FHIP2A: variants seen among roughly 807,000 people sequenced by gnomAD.
The protein encoded by FHIP2A is family with sequence similarity 160 member B1.
FHIP2A carries 46 observed loss-of-function variants against 93.5 expected under a neutral mutation model. That is an observed-to-expected ratio of 0.49 (90% CI 0.39 to 0.63). The LOEUF (loss-of-function observed/expected upper bound fraction) is 0.63. Ranked by LOEUF, FHIP2A falls within the 20% of genes least tolerant of loss-of-function variation. FHIP2A has a pLI of 0.00. For synonymous variants in FHIP2A, 332 were observed against 326.5 expected (o/e 1.02, Z -0.18); for missense variants, 769 against 909.7 (o/e 0.85, Z 1.99).
chr10:114,833,403 G>C lies in FHIP2A; in HGVS notation c.294+1G>C. Reference sequence around the variant, plus strand: ...ATTATATACCTTGGGGAAAGCTGATGTAAGTTCCTGATCCACACCATGTTC... The same window carrying C: ...ATTATATACCTTGGGGAAAGCTGATCTAAGTTCCTGATCCACACCATGTTC... On this transcript the variant is annotated splice_donor_variant, in intron 3 of 16. Coordinates refer to ENST00000369248, the MANE Select transcript of FHIP2A (RefSeq NM_020940.4). LOFTEE classifies it high-confidence loss of function. 1 of 1,613,434 alleles carries C rather than the reference G, an allele frequency of 6.2e-7. No individual in the cohort carries two copies. The highest frequency in any genetic ancestry group is 8.5e-7 in the Non-Finnish European group (1 of 1,179,662).
At chr10:114,897,866 G>A (rs1464507066) in intron 16 of FHIP2A, among the ~76,000 whole-genome samples, 4 of 152,130 alleles carry the variant, frequency 2.6e-5, no homozygotes, top group South Asian at 2.1e-4. Flanking sequence ...CCATGATTGC[G>A]CCACTGCACT....
Position 114,864,556 on chromosome 10 carries a change from T to C in FHIP2A, c.*3016T>C. On this transcript the variant is annotated 3_prime_UTR_variant, in exon 17 of 17. Coordinates refer to ENST00000369248, the MANE Select transcript of FHIP2A (RefSeq NM_020940.4). The stretch of plus-strand genomic sequence containing the variant: ...TAGGTTACTGACAGTGTTACCAGCG[T>C]CTGGAATTCTTGGTCCCTCCGTGGA... 1.0e-6 allele frequency: 1 copy of C among 985,868 alleles called. No individual in the cohort carries two copies. Among genetic ancestry groups the C allele is most frequent in the Non-Finnish European group, 1.2e-6 (1 of 829,942 alleles). 61.1% of individuals were successfully genotyped at this position (985,868 alleles called of 1,614,324 possible). A position where few individuals can be genotyped will look rare whatever the true frequency, so the allele number is the denominator to read the frequency against.
At chr10:114,883,644 C>T (rs529728247) in intron 16 of FHIP2A, among the ~76,000 whole-genome samples, 74 of 152,272 alleles carry the variant, frequency 4.9e-4, no homozygotes, top group African/African-American at 1.6e-3. Flanking sequence ...TGCAATGGCA[C>T]GATCTCAGCT....
intron 13 of FHIP2A, among the ~76,000 whole-genome samples, chr10:114,849,868 CTA>C (rs1436310845): frequency 3.9e-5 from 6 of 152,180 alleles, no homozygotes; most frequent in African/African-American, 1.4e-4. Flanking sequence ...TGGAATCATA[CTA>C]TATGTGACCT....
At chr10:114,896,896 ATATGTG>A (rs1190750348) in intron 16 of FHIP2A, among the ~76,000 whole-genome samples, 1 of 152,174 alleles carries the variant, frequency 6.6e-6, no homozygotes, top group Non-Finnish European at 1.5e-5. Flanking sequence ...CTTACTTGTT[ATATGTG>A]TATGTAAAAA....
At chr10:114,892,213 T>A (rs1372660228) in intron 16 of FHIP2A, among the ~76,000 whole-genome samples, 2 of 152,216 alleles carry the variant, frequency 1.3e-5, no homozygotes, top group African/African-American at 2.4e-5. Context: ...AAACCATTTT[T>A]CCAACATACT....
At chr10:114,875,228 G>A (rs1244652948) in intron 16 of FHIP2A, among the ~76,000 whole-genome samples, 1 of 152,216 alleles carries the variant, frequency 6.6e-6, no homozygotes, top group Non-Finnish European at 1.5e-5. Flanking sequence ...TGTGGATTCT[G>A]ACTGCAGACG....
chr10:114,855,105 T>C, intron 13 of FHIP2A, 92 bp from the exon 14 acceptor site: 1 of 1,358,690 alleles, frequency 7.4e-7, no homozygotes, highest in Non-Finnish European at 1.0e-6. Context: ...TGCATTCAAA[T>C]GGTTTTTTAT....
intron 16 of FHIP2A, among the ~76,000 whole-genome samples, chr10:114,883,786 G>C (rs145574506): frequency 1.3e-5 from 2 of 152,206 alleles, no homozygotes; most frequent in South Asian, 4.2e-4. Context: ...CTTCATGTTG[G>C]TCAGGCTGGT....
chr10:114,888,450 G>T (rs1368632948), intron 16 of FHIP2A, among the ~76,000 whole-genome samples: 1 of 152,170 alleles, frequency 6.6e-6, no homozygotes, highest in Non-Finnish European at 1.5e-5. Flanking sequence ...ATGCTAAAAA[G>T]AGAGAATGAC....
chr10:114,887,233 A>C (rs557559047), intron 16 of FHIP2A, among the ~76,000 whole-genome samples: 12 of 152,342 alleles, frequency 7.9e-5, no homozygotes, highest in African/African-American at 2.6e-4. Context: ...AAAGACCCAG[A>C]AACCTCTTTT....
intron 16 of FHIP2A, among the ~76,000 whole-genome samples, chr10:114,898,301 T>G (rs1438574626): frequency 2.6e-5 from 4 of 152,116 alleles, no homozygotes; most frequent in African/African-American, 4.8e-5. Context: ...CCAGTTCCAG[T>G]GTTATTCTTT....
intron 16 of FHIP2A, among the ~76,000 whole-genome samples, chr10:114,888,694 C>T (rs548938986): frequency 6.6e-6 from 1 of 152,202 alleles, no homozygotes; most frequent in Non-Finnish European, 1.5e-5. Flanking sequence ...ACTCCGCCTC[C>T]CAGATTTAAG....
At chr10:114,891,570 T>TGTGC (rs1555248170) in intron 16 of FHIP2A, among the ~76,000 whole-genome samples, 1 of 147,416 alleles carries the variant, frequency 6.8e-6, no homozygotes, top group Non-Finnish European at 1.5e-5. Flanking sequence ...TGTGTGTGTG[T>TGTGC]GTGCACGCGT....
At chr10:114,867,057 A>C (rs112993855), downstream of FHIP2A, among the ~76,000 whole-genome samples, 11,073 of 151,894 alleles carry the variant, frequency 0.073, 824 homozygotes, top group African/African-American at 0.17. Flanking sequence ...AAAACTACAA[A>C]ACTTAGCCAG....
chr10:114,853,112 ATAAGGTAATAGTCAGTC>A (rs2083746392), intron 13 of FHIP2A, among the ~76,000 whole-genome samples: 1 of 152,134 alleles, frequency 6.6e-6, no homozygotes, highest in African/African-American at 2.4e-5. Context: ...CCTTGGGGTT[ATAAGGTAATAGTCAGTC>A]TCTTGAGGAT....
At chr10:114,850,949 T>TGTCATCCCGCCAGA (rs1373819657) in intron 13 of FHIP2A, among the ~76,000 whole-genome samples, 14 of 152,362 alleles carry the variant, frequency 9.2e-5, no homozygotes, top group African/African-American at 2.9e-4. Context: ...AGTCGCGCTC[T>TGTCATCCCGCCAGA]GTCATCCAGG....
intron 16 of FHIP2A, among the ~76,000 whole-genome samples, chr10:114,876,798 C>G (rs902676438): frequency 2.0e-5 from 3 of 152,132 alleles, no homozygotes; most frequent in African/African-American, 7.2e-5. Context: ...TCTCTGCTGC[C>G]CCTCCCCACA....
intron 1 of FHIP2A, among the ~76,000 whole-genome samples, chr10:114,823,272 C>T (rs1047296726): frequency 6.6e-6 from 1 of 152,130 alleles, no homozygotes; most frequent in Non-Finnish European, 1.5e-5. Flanking sequence ...AGCTCTAGGG[C>T]AAGCTCTTGG....
Sources: allele counts gnomAD v4.1 joint callset (sites outside exome capture counted in the v4.1 genomes callset), GRCh38; gene constraint gnomAD v4.1.1; transcripts MANE v1.5; gene names NCBI Gene and HGNC (gene_info 2026-07-23, HGNC 2026-07-21).